LRP1B: variants seen among roughly 807,000 people sequenced by gnomAD.
LRP1B encodes low-density lipoprotein receptor-related protein 1B.
A neutral mutation model predicts 556.6 loss-of-function variants in LRP1B; 217 were observed. The observed-to-expected ratio is 0.39, with a 90% CI of 0.35 to 0.44. The LOEUF (loss-of-function observed/expected upper bound fraction) is 0.44. Ranked by LOEUF, LRP1B falls within the 20% of genes least tolerant of loss-of-function variation. The pLI, the probability that LRP1B is intolerant of heterozygous loss-of-function variation, is 1.00. For missense variants in LRP1B, 5,053 were observed against 5,620.8 expected, an observed-to-expected ratio of 0.90 and a Z score of 3.23; for synonymous variants, 2,047 against 1,865.8, an observed-to-expected ratio of 1.10 and a Z score of -2.50.
chr2:141,784,468 C>T (rs1243017327), intron 2 of LRP1B, among the ~76,000 whole-genome samples: 3 of 151,884 alleles, frequency 2.0e-5, no homozygotes, highest in African/African-American at 7.2e-5. Flanking sequence ...CCTAGTTATT[C>T]CAATAAGAGT....
rs541933622 is a variant in LRP1B, at chr2:141,578,155, G to A, written c.206-97622C>T. ...TCATGCCTGTAATCCGAGCACTTTG[G>A]GAGGCTGAGGCAGATGGATCATGAG... On this transcript the variant is annotated intron_variant, in intron 2 of 90. Coordinates refer to ENST00000389484, the MANE Select transcript of LRP1B (RefSeq NM_018557.3). 5.3e-5 allele frequency among the ~76,000 whole-genome samples: 8 copies of A among 152,246 alleles called. No homozygotes were observed. In the East Asian group the frequency reaches 9.7e-4, roughly 18 times the overall value.
intron 83 of LRP1B, among the ~76,000 whole-genome samples, chr2:140,299,360 G>A (rs1375670670): frequency 6.6e-6 from 1 of 152,036 alleles, no homozygotes; most frequent in Non-Finnish European, 1.5e-5. Flanking sequence ...AGAGACTGAT[G>A]CTCTAAATGA....
chr2:140,438,010 A>G (rs1686260955), intron 66 of LRP1B, among the ~76,000 whole-genome samples: 1 of 151,822 alleles, frequency 6.6e-6, no homozygotes, highest in African/African-American at 2.4e-5. Flanking sequence ...TGTGTGAAAT[A>G]TTTCTTTTTG....
intron 35 of LRP1B, among the ~76,000 whole-genome samples, chr2:140,766,470 G>C (rs868266474): frequency 3.3e-5 from 5 of 152,030 alleles, no homozygotes; most frequent in African/African-American, 1.2e-4. Context: ...CAAAAAGGCA[G>C]TGGAAAGCTC....
chr2:141,160,088 A>G (rs1679938644), intron 7 of LRP1B, among the ~76,000 whole-genome samples: 1 of 152,086 alleles, frequency 6.6e-6, no homozygotes, highest in South Asian at 2.1e-4. Flanking sequence ...CATGTTCTGC[A>G]CATGTATCCC....
intron 41 of LRP1B, among the ~76,000 whole-genome samples, chr2:140,618,475 T>C (rs1683333407): frequency 1.3e-5 from 2 of 152,062 alleles, no homozygotes; most frequent in East Asian, 1.9e-4. Flanking sequence ...ATGGATAGAA[T>C]TGAAAAATTC....
chr2:141,478,550 C>G (rs938717349), intron 3 of LRP1B, among the ~76,000 whole-genome samples: 3 of 134,302 alleles, frequency 2.2e-5, no homozygotes, highest in African/African-American at 8.1e-5. Flanking sequence ...CTCTCATTCT[C>G]TCTTTCTTTC....
chr2:140,713,317 G>T, intron 37 of LRP1B, among the ~76,000 whole-genome samples: 1 of 127,284 alleles, frequency 7.9e-6, no homozygotes, highest in South Asian at 2.5e-4. Flanking sequence ...CAGTGAAAAA[G>T]GTATAGAATT....
intron 1 of LRP1B, among the ~76,000 whole-genome samples, chr2:142,056,132 C>T (rs180859446): frequency 6.6e-6 from 1 of 152,176 alleles, no homozygotes; most frequent in Admixed American, 6.5e-5. Flanking sequence ...GCCTGACTGA[C>T]AGAGTGAGAC....
At chr2:141,507,449 A>G (rs1313350270) in intron 2 of LRP1B, among the ~76,000 whole-genome samples, 3 of 152,206 alleles carry the variant, frequency 2.0e-5, no homozygotes, top group Non-Finnish European at 4.4e-5. Flanking sequence ...ATTCAAGCAA[A>G]ATTATTCATA....
intron 7 of LRP1B, among the ~76,000 whole-genome samples, chr2:141,084,357 T>C (rs13388643): frequency 0.014 from 2,122 of 152,286 alleles, 47 homozygotes; most frequent in African/African-American, 0.048. Context: ...AGTCTAGATA[T>C]GCCAAATGAA....
In LRP1B at chr2:140,335,654, G is replaced by T; in HGVS notation, c.12077C>A (p.Ala4026Asp). 1 of 1,612,122 alleles carries T rather than the reference G, an allele frequency of 6.2e-7. No individual in the cohort carries two copies. The highest frequency in any genetic ancestry group is 1.1e-5 in the South Asian group (1 of 91,052). ...PNCTRLLTNM[A>D]GEPYAIAVNP... is the part of the protein sequence containing the mutation. ...TACTGCAATAGCATAGGGTTCTCCA[G>T]CCATATTTGTTAAGAGTCTGGTGCA... Residue 4026 changes from alanine (A) to aspartate (D), a missense_variant, in exon 78 of 91, where the codon GCT (alanine) becomes GAT (aspartate). Ala to Asp is a moderately radical substitution (Grantham distance 126, BLOSUM62 -2). This residue lies in a region of LRP1B where 599 missense variants were observed against 648.4 expected (regional missense o/e 0.92). Coordinates refer to ENST00000389484, the MANE Select transcript of LRP1B (RefSeq NM_018557.3).
At chr2:140,371,068 C>CAT in intron 70 of LRP1B, 111 bp downstream of exon 70, 1 of 834,606 alleles carries the variant, frequency 1.2e-6, no homozygotes, top group South Asian at 2.1e-5. Context: ...ACATATCTAA[C>CAT]ATGTTAAACC....
chr2:141,004,386 C>T (rs1697510099), intron 15 of LRP1B, among the ~76,000 whole-genome samples: 1 of 151,988 alleles, frequency 6.6e-6, no homozygotes, highest in African/African-American at 2.4e-5. Flanking sequence ...CTGTCACAGG[C>T]AAAATAAACG....
At chr2:141,272,993 T>TCCAA (rs962763986) in intron 3 of LRP1B, among the ~76,000 whole-genome samples, 28 of 152,114 alleles carry the variant, frequency 1.8e-4, no homozygotes, top group African/African-American at 6.8e-4. Context: ...CAACATCTTG[T>TCCAA]CCAACAATAG....
At position 141,810,382 on chromosome 2, in the gene LRP1B, A is replaced by G; in HGVS notation, c.102T>C (p.Pro34=). Residue 34 remains proline, a synonymous_variant, in exon 2 of 91, where the codon CCT becomes CCC. Coordinates refer to ENST00000389484, the MANE Select transcript of LRP1B (RefSeq NM_018557.3). ...GADRDQQLCD[P]GEFLCHDHVT... ...CGTGATCGTGGCAAAGAAATTCACC[A>G]GGATCACACAACTGCTGATCTGAAA... The G allele has an allele frequency of 6.2e-7, 1 of 1,613,068 alleles. No individual in the cohort carries two copies. Among genetic ancestry groups the G allele is most frequent in the Non-Finnish European group, 8.5e-7 (1 of 1,179,410 alleles).
intron 3 of LRP1B, among the ~76,000 whole-genome samples, chr2:141,416,571 T>A (rs7558723): frequency 0.1 from 14,915 of 149,874 alleles, 2,400 homozygotes; most frequent in African/African-American, 0.34. Flanking sequence ...CTCCTGCCTC[T>A]ACCTCCTGAG....
chr2:141,634,786 G>A (rs10496890), intron 2 of LRP1B, among the ~76,000 whole-genome samples: 12,296 of 151,792 alleles, frequency 0.081, 573 homozygotes, highest in South Asian at 0.15. Context: ...GTGTAATTGT[G>A]GTGACCCATT....
At chr2:141,386,069 G>A (rs1273076121) in intron 3 of LRP1B, among the ~76,000 whole-genome samples, 1 of 152,032 alleles carries the variant, frequency 6.6e-6, no homozygotes, top group African/African-American at 2.4e-5. Flanking sequence ...TGACAGCTTT[G>A]TTTTCTGATG....
Sources: gnomAD v4.1 joint callset for allele counts (sites outside exome capture counted in the v4.1 genomes callset) on GRCh38, gnomAD v4.1.1 for gene constraint, gnomAD v4.1.1 regional missense constraint, MANE v1.5 for transcripts, NCBI Gene and HGNC (gene_info 2026-07-23, HGNC 2026-07-21) for gene names.